Variants in HSPA12B observed in about 807,000 individuals in gnomAD.
The protein encoded by HSPA12B is heat shock protein family A (Hsp70) member 12B, also known as heat shock 70 kDa protein 12B.
Under a neutral mutation model 69.3 loss-of-function variants are expected in HSPA12B, and 54 were observed. The ratio of observed to expected loss-of-function variants is 0.78; its 90% confidence interval spans 0.63 to 0.98. HSPA12B has a LOEUF of 0.98. HSPA12B is among the 50% of genes least tolerant of loss of function. HSPA12B has a pLI of 0.00. For synonymous variants in HSPA12B, 441 were observed against 436.5 expected, an observed-to-expected ratio of 1.01 and a Z score of -0.13; for missense variants, 929 against 999.8, an observed-to-expected ratio of 0.93 and a Z score of 0.96.
At position 3,752,714 on chromosome 20, in the gene HSPA12B, C is replaced by T. The variant is rs1011928995; in HGVS notation, c.*548C>T. ...GGCACAGTCCTGGTGTGGTGCTGAC[C>T]ACCCAAATATGACTGTGAATTGTGG... On this transcript the variant is annotated 3_prime_UTR_variant, in exon 13 of 13. Coordinates refer to ENST00000254963, the MANE Select transcript of HSPA12B (RefSeq NM_052970.5). The T allele has an allele frequency of 2.6e-5, 4 of 153,176 alleles. No homozygotes were observed. Among genetic ancestry groups the T allele is most frequent in the African/African-American group, 1.0e-4 (4 of 40,028 alleles). The allele number at this position is 153,176 out of a possible 1,614,324, so 9.5% of individuals were successfully genotyped here. A position where few individuals can be genotyped will look rare whatever the true frequency, so the allele number is the denominator to read the frequency against.
At chr20:3,733,775 CG>C (rs1375433517) in intron 1 of HSPA12B, among the ~76,000 whole-genome samples, 7 of 152,186 alleles carry the variant, frequency 4.6e-5, no homozygotes, top group African/African-American at 1.7e-4. Flanking sequence ...AGCCCGCTGA[CG>C]GAGTCCTGTT....
In HSPA12B at chr20:3,749,904, C is replaced by G. The variant is rs754387190; in HGVS notation, c.1042+50C>G. 3 of 1,545,286 alleles carry G rather than the reference C, an allele frequency of 1.9e-6. No homozygotes were observed. Among genetic ancestry groups the G allele is most frequent in the African/African-American group, 1.4e-5 (1 of 73,322 alleles). On this transcript the variant is annotated intron_variant, in intron 10 of 12. Coordinates refer to ENST00000254963, the MANE Select transcript of HSPA12B (RefSeq NM_052970.5). The surrounding 1 kb of genome is among the most constrained non-coding windows in gnomAD (Gnocchi z 5.5). ...TACCCAGCGCGACCCGGGCTCCGGC[C>G]CCGCCACTGCCCCCTGGCGGCCCGG...
chr20:3,745,037 G>C lies in HSPA12B; in HGVS notation c.402G>C (p.Ala134=), dbSNP rs368009825. 6.2e-7 allele frequency: 1 copy of C among 1,613,858 alleles called. No individual in the cohort carries two copies. Among genetic ancestry groups the C allele is most frequent in the African/African-American group, 1.3e-5 (1 of 74,936 alleles). Reference sequence around the variant, plus strand: ...ACCATGACCTGGACCCCGAAGAGGCGCGGGACTGGCTCTACTTCGAGAAGT... The same window carrying C: ...ACCATGACCTGGACCCCGAAGAGGCCCGGGACTGGCTCTACTTCGAGAAGT... ...DYYHDLDPEE[A]RDWLYFEKFK... is the part of the protein sequence containing the mutation. The change falls in exon 5 of 13, where the codon GCG becomes GCC. Residue 134 remains alanine, a synonymous_variant. Coordinates refer to ENST00000254963, the MANE Select transcript of HSPA12B (RefSeq NM_052970.5). This position sits in a 1 kb window ranked among gnomAD's most constrained non-coding sequence, Gnocchi z 5.6.
intron 12 of HSPA12B, 58 bp from the exon 13 acceptor site, chr20:3,751,453 C>T (rs552700653): frequency 2.2e-6 from 3 of 1,362,686 alleles, no homozygotes; most frequent in African/African-American, 1.5e-5. Flanking sequence ...GTGGCTCTCT[C>T]TCCCCCGCCC....
At chr20:3,750,953 C>T in intron 12 of HSPA12B, 46 bp downstream of exon 12, 1 of 1,504,922 alleles carries the variant, frequency 6.6e-7, no homozygotes, top group Non-Finnish European at 9.3e-7. Flanking sequence ...CATGAACAAA[C>T]AGATGCAGAA....
chr20:3,751,172 T>C, intron 12 of HSPA12B: 2 of 879,788 alleles, frequency 2.3e-6, no homozygotes, highest in Non-Finnish European at 2.7e-6. Context: ...CAAAACGTTA[T>C]CACAGGGATA....
intron 1 of HSPA12B, among the ~76,000 whole-genome samples, chr20:3,736,116 G>C (rs185553426): frequency 1.2e-4 from 18 of 152,306 alleles, no homozygotes; most frequent in African/African-American, 4.1e-4. Flanking sequence ...ATGCAGAATT[G>C]GGAAGAGATA....
chr20:3,745,193 GGAGTCGT>G lies in HSPA12B; in HGVS notation c.453+107_453+113del, dbSNP rs1269573292. ...CAAAACGTGTGAGGACCGGCCCGAT[GGAGTCGT>G]GGCTGAGAGGGGGCGGGGCTAAAGG... On this transcript the variant is annotated intron_variant, in intron 5 of 12. Coordinates refer to ENST00000254963, the MANE Select transcript of HSPA12B (RefSeq NM_052970.5). This position sits in a 1 kb window ranked among gnomAD's most constrained non-coding sequence, Gnocchi z 5.6. The G allele has an allele frequency of 9.3e-7, 1 of 1,080,554 alleles. No homozygotes were observed. Among genetic ancestry groups the G allele is most frequent in the African/African-American group, 1.6e-5 (1 of 63,916 alleles). The allele number at this position is 1,080,554 out of a possible 1,614,324, so 66.9% of individuals were successfully genotyped here.
intron 1 of HSPA12B, among the ~76,000 whole-genome samples, chr20:3,735,295 C>G (rs1206012479): frequency 6.6e-6 from 1 of 152,208 alleles, no homozygotes; most frequent in African/African-American, 2.4e-5. Context: ...ATGATGCACT[C>G]ACGCTAGGTG....
Position 3,753,047 on chromosome 20 carries a change from C to G in HSPA12B, c.*881C>G, listed in dbSNP as rs2088456040. The G allele has an allele frequency of 6.5e-6, 1 of 153,242 alleles. No homozygotes were observed. The highest frequency in any genetic ancestry group is 2.1e-4 in the South Asian group (1 of 4,832). The allele number at this position is 153,242 out of a possible 1,614,324, so 9.5% of individuals were successfully genotyped here. A position where few individuals can be genotyped will look rare whatever the true frequency, so the allele number is the denominator to read the frequency against. On this transcript the variant is annotated 3_prime_UTR_variant, in exon 13 of 13. Transcript: ENST00000254963. ...ATGTCAGGCACTTCCCTCTAACTGGCATGCAACAGCCCCACCTGCCTGAGA... is the reference window on the plus strand; with the variant it reads ...ATGTCAGGCACTTCCCTCTAACTGGGATGCAACAGCCCCACCTGCCTGAGA...
Position 3,740,657 on chromosome 20 carries a change from T to C in HSPA12B, c.44-158T>C, listed in dbSNP as rs369241364. ...CCTCAGCTCCTGCCCCTGCGTCATGTGTGTCTTTCCTACACCCCGCAGTCC... is the reference window on the plus strand; with the variant it reads ...CCTCAGCTCCTGCCCCTGCGTCATGCGTGTCTTTCCTACACCCCGCAGTCC... On this transcript the variant is annotated intron_variant, in intron 2 of 12. Transcript: ENST00000254963. This position sits in a 1 kb window ranked among gnomAD's most constrained non-coding sequence, Gnocchi z 4.9. 1.3e-5 allele frequency among the ~76,000 whole-genome samples: 2 copies of C among 152,288 alleles called. No individual in the cohort carries two copies. The highest frequency in any genetic ancestry group is 3.9e-4 in the East Asian group (2 of 5,188).
intron 1 of HSPA12B, among the ~76,000 whole-genome samples, chr20:3,735,463 CTTTT>C (rs34819658): frequency 7.2e-6 from 1 of 138,980 alleles, no homozygotes; most frequent in African/African-American, 2.6e-5. Context: ...AGGACTCAGT[CTTTT>C]TTTTTTTTTT....
rs866406690 is a variant in HSPA12B at position 3,750,848 on chromosome 20, C to T, written c.1346C>T (p.Ser449Phe). 6.2e-7 allele frequency: 1 copy of T among 1,614,012 alleles called. No individual in the cohort carries two copies. The highest frequency in any genetic ancestry group is 8.5e-7 in the Non-Finnish European group (1 of 1,180,038). ...TCCTCACAGGGGATGCTCCGAATGT[C>T]TTGTGAAGCCATGAACGAGCTCTTT... is the stretch of plus-strand genomic sequence containing the variant. ...KWSSQGMLRM[S>F]CEAMNELFQP... Residue 449 changes from serine to phenylalanine, a missense_variant, in exon 12 of 13, where the codon TCT (serine) becomes TTT (phenylalanine). Transcript: ENST00000254963.
Position 3,740,671 on chromosome 20 carries a change from A to G in HSPA12B, c.44-144A>G. The G allele has an allele frequency of 1.5e-6, 1 of 671,392 alleles. No individual in the cohort carries two copies. Among genetic ancestry groups the G allele is most frequent in the Non-Finnish European group, 2.6e-6 (1 of 377,376 alleles). The allele number at this position is 671,392 out of a possible 1,614,324, so 41.6% of individuals were successfully genotyped here. A position where few individuals can be genotyped will look rare whatever the true frequency, so the allele number is the denominator to read the frequency against. On this transcript the variant is annotated intron_variant, in intron 2 of 12. Coordinates refer to ENST00000254963, the MANE Select transcript of HSPA12B (RefSeq NM_052970.5). This position sits in a 1 kb window ranked among gnomAD's most constrained non-coding sequence, Gnocchi z 4.9. Reference sequence around the variant, plus strand: ...CCTGCGTCATGTGTGTCTTTCCTACACCCCGCAGTCCTCCTCCCCAGCAGA... The same window carrying G: ...CCTGCGTCATGTGTGTCTTTCCTACGCCCCGCAGTCCTCCTCCCCAGCAGA...
In HSPA12B at chr20:3,745,138, C is replaced by T. The variant is rs2088274454; in HGVS notation, c.453+50C>T. On this transcript the variant is annotated intron_variant, in intron 5 of 12. Transcript: ENST00000254963. This position sits in a 1 kb window ranked among gnomAD's most constrained non-coding sequence, Gnocchi z 5.6. ...GAGGCGGGGCCAGCATGGAAAAGGG[C>T]AGGGCTAATGGGGGTGGGTGGGACA... The T allele has an allele frequency of 3.6e-6, 5 of 1,389,356 alleles. No homozygotes were observed. The highest frequency in any genetic ancestry group is 5.1e-6 in the Non-Finnish European group (5 of 988,794). The allele number at this position is 1,389,356 out of a possible 1,614,324, so 86.1% of individuals were successfully genotyped here. A position where few individuals can be genotyped will look rare whatever the true frequency, so the allele number is the denominator to read the frequency against.
rs557429004 is a variant in HSPA12B, at chr20:3,745,814, A to G, written c.559-101A>G. ...GCCGATTCTTCCAGCTCTGCTGGGAAGTCCTTCCTGTGATTTGATTAGTAC... is the reference window on the plus strand; with the variant it reads ...GCCGATTCTTCCAGCTCTGCTGGGAGGTCCTTCCTGTGATTTGATTAGTAC... On this transcript the variant is annotated intron_variant, in intron 6 of 12. Transcript: ENST00000254963. The surrounding 1 kb of genome is among the most constrained non-coding windows in gnomAD (Gnocchi z 5.6). 20 of 1,123,568 alleles carry G rather than the reference A, an allele frequency of 1.8e-5. No homozygotes were observed. In the East Asian group the frequency reaches 4.7e-4, roughly 26 times the overall value. 69.6% of individuals were successfully genotyped at this position (1,123,568 alleles called of 1,614,324 possible).
intron 8 of HSPA12B, 102 bp downstream of exon 8, chr20:3,748,493 C>G (rs1026155687): frequency 7.5e-5 from 82 of 1,091,924 alleles, no homozygotes; most frequent in Non-Finnish European, 9.7e-5. Context: ...GGTACCCACC[C>G]TGGAGGAGCC....
At position 3,751,950 on chromosome 20, in the gene HSPA12B, T is replaced by C. The variant is rs757055440; in HGVS notation, c.1845T>C (p.Asp615=). Residue 615 remains aspartate (D), a synonymous_variant, in exon 13 of 13, where the codon GAT becomes GAC. Coordinates refer to ENST00000254963, the MANE Select transcript of HSPA12B (RefSeq NM_052970.5). ...ACCTGTACTGCTGCGCGGCAGAGGA[T>C]GCGCGCTTCATCACCGACCCCGGCG... is the stretch of plus-strand genomic sequence containing the variant. The part of the protein sequence containing the change: ...LINLYCCAAE[D]ARFITDPGVR... 5.7e-6 allele frequency: 9 copies of C among 1,584,700 alleles called. No homozygotes were observed. The highest frequency in any genetic ancestry group is 6.8e-6 in the Non-Finnish European group (8 of 1,170,458).
intron 1 of HSPA12B, 146 bp from the exon 2 acceptor site, chr20:3,738,512 A>G: frequency 1.5e-6 from 1 of 659,768 alleles, no homozygotes; most frequent in Non-Finnish European, 2.7e-6. Flanking sequence ...AGATGTATTA[A>G]AGAGTTCACG....
Sources: gnomAD v4.1 joint callset for allele counts (sites outside exome capture counted in the v4.1 genomes callset) on GRCh38, gnomAD v4.1.1 for gene constraint, Gnocchi (gnomAD v3.1) non-coding constraint, MANE v1.5 for transcripts, NCBI Gene and HGNC (gene_info 2026-07-23, HGNC 2026-07-21) for gene names.